SIPA1L1: variants seen among roughly 807,000 people sequenced by gnomAD.
SIPA1L1 encodes signal induced proliferation associated 1 like 1.
In SIPA1L1, 26 loss-of-function variants were observed where a neutral mutation model predicts 162.7. The ratio of observed to expected loss-of-function variants is 0.16; its 90% confidence interval spans 0.12 to 0.22. The LOEUF is 0.22. SIPA1L1 is among the 10% of genes least tolerant of loss of function. SIPA1L1 has a pLI of 1.00. For missense variants in SIPA1L1, 1,874 were observed against 2,241.0 expected (o/e 0.84, Z 3.31); for synonymous variants, 829 against 837.4 (o/e 0.99, Z 0.17).
intron 8 of SIPA1L1, among the ~76,000 whole-genome samples, chr14:71,657,479 G>T (rs1444758547): frequency 6.6e-6 from 1 of 152,112 alleles, no homozygotes; most frequent in East Asian, 1.9e-4. Context: ...GAGTTGGGAA[G>T]TTAATAACTT....
chr14:71,528,743 A>G (rs1395933163), intron 3 of SIPA1L1: 1 of 152,180 alleles, frequency 6.6e-6, no homozygotes, highest in Non-Finnish European at 1.5e-5. Flanking sequence ...ATAAAAAGGT[A>G]TTTTGTTTGT....
chr14:71,623,886 C>G (rs1342050557), intron 6 of SIPA1L1, among the ~76,000 whole-genome samples, 162 bp from the exon 7 acceptor site: 1 of 152,120 alleles, frequency 6.6e-6, no homozygotes, highest in African/African-American at 2.4e-5. Flanking sequence ...TTACAGTATC[C>G]TACATCACTT....
At chr14:71,632,876 A>C (rs2040723361) in intron 7 of SIPA1L1, among the ~76,000 whole-genome samples, 1 of 152,218 alleles carries the variant, frequency 6.6e-6, no homozygotes, top group South Asian at 2.1e-4. Flanking sequence ...GTAATAAAGA[A>C]GGCCTGCTAA....
At chr14:71,673,620 A>G (rs935104367) in intron 12 of SIPA1L1, among the ~76,000 whole-genome samples, 1 of 152,140 alleles carries the variant, frequency 6.6e-6, no homozygotes, top group Non-Finnish European at 1.5e-5. Flanking sequence ...TGTGTTTTAT[A>G]TACTTTGCTC....
At chr14:71,329,183 T>C (rs894909650) in intron 2 of SIPA1L1, among the ~76,000 whole-genome samples, 1 of 152,228 alleles carries the variant, frequency 6.6e-6, no homozygotes, top group Admixed American at 6.5e-5. Context: ...TGTGGATAGA[T>C]ATTTGGCAGT....
chr14:71,364,863 A>G (rs1339219354), intron 2 of SIPA1L1, among the ~76,000 whole-genome samples: 2 of 151,710 alleles, frequency 1.3e-5, no homozygotes, highest in African/African-American at 4.9e-5. Flanking sequence ...CTCATGCCTC[A>G]GCCTCCCCAG....
chr14:71,397,794 T>C (rs1013672043), intron 2 of SIPA1L1, among the ~76,000 whole-genome samples: 2 of 152,178 alleles, frequency 1.3e-5, no homozygotes, highest in African/African-American at 4.8e-5. Context: ...ATTCAGACTT[T>C]CTTTTGTTCA....
At chr14:71,325,497 CA>C (rs1391003592) in intron 2 of SIPA1L1, among the ~76,000 whole-genome samples, 4 of 152,078 alleles carry the variant, frequency 2.6e-5, no homozygotes, top group Non-Finnish European at 5.9e-5. Flanking sequence ...CATGAGGGTA[CA>C]AAAAACCATC....
intron 5 of SIPA1L1, among the ~76,000 whole-genome samples, chr14:71,609,170 TA>T (rs1365876295): frequency 1.3e-5 from 2 of 152,148 alleles, no homozygotes; most frequent in East Asian, 3.9e-4. Flanking sequence ...TTATAATAAA[TA>T]ATGCTTACAT....
intron 2 of SIPA1L1, among the ~76,000 whole-genome samples, chr14:71,392,216 A>G (rs1327115418): frequency 6.6e-6 from 1 of 152,180 alleles, no homozygotes; most frequent in Non-Finnish European, 1.5e-5. Flanking sequence ...GGAGTTCCCC[A>G]TAATCTGTAG....
chr14:71,624,007 A>G (rs745576768), intron 6 of SIPA1L1, 41 bp from the exon 7 acceptor site: 10 of 1,527,700 alleles, frequency 6.5e-6, no homozygotes, highest in Non-Finnish European at 8.9e-6. Context: ...CAGGCATCTC[A>G]CATCCCAGAA....
intron 19 of SIPA1L1, among the ~76,000 whole-genome samples, chr14:71,728,070 C>T (rs969097173): frequency 6.6e-6 from 1 of 152,162 alleles, no homozygotes; most frequent in South Asian, 2.1e-4. Flanking sequence ...ACCTGTAAAA[C>T]CATCAGGCTG....
intron 2 of SIPA1L1, among the ~76,000 whole-genome samples, chr14:71,482,998 C>A (rs1007685905): frequency 6.6e-6 from 1 of 152,140 alleles, no homozygotes; most frequent in Admixed American, 6.5e-5. Context: ...TTTTTACGAA[C>A]AATTTCAGCT....
At chr14:71,469,213 A>G (rs761620186) in intron 2 of SIPA1L1, among the ~76,000 whole-genome samples, 1 of 151,476 alleles carries the variant, frequency 6.6e-6, no homozygotes, top group Non-Finnish European at 1.5e-5. Flanking sequence ...TCTCACCTCC[A>G]AGATAACTTC....
chr14:71,517,982 T>G (rs2051912350), intron 3 of SIPA1L1, among the ~76,000 whole-genome samples: 1 of 152,154 alleles, frequency 6.6e-6, no homozygotes, highest in Non-Finnish European at 1.5e-5. Context: ...TAACATAGAA[T>G]GAGGCGAGCT....
At chr14:71,579,998 C>T (rs1425963993) in intron 4 of SIPA1L1, among the ~76,000 whole-genome samples, 1 of 152,146 alleles carries the variant, frequency 6.6e-6, no homozygotes, top group Non-Finnish European at 1.5e-5. Flanking sequence ...CAGTGACTGT[C>T]TCAAATCGCC....
intron 4 of SIPA1L1, among the ~76,000 whole-genome samples, chr14:71,564,119 A>G (rs566942797): frequency 2.8e-4 from 43 of 151,932 alleles, no homozygotes; most frequent in Non-Finnish European, 5.6e-4. Flanking sequence ...GCCAATTTTT[A>G]AATTTGTTTT....
intron 2 of SIPA1L1, among the ~76,000 whole-genome samples, chr14:71,485,051 A>G (rs984488260): frequency 6.6e-6 from 1 of 152,338 alleles, no homozygotes; most frequent in African/African-American, 2.4e-5. Flanking sequence ...TTCGTTGCCC[A>G]TGATCCTTTA....
chr14:71,390,739 C>T (rs2040677823), intron 2 of SIPA1L1, among the ~76,000 whole-genome samples: 1 of 152,056 alleles, frequency 6.6e-6, no homozygotes, highest in Non-Finnish European at 1.5e-5. Context: ...GAGCTAAGAT[C>T]GCACCACTAC....
Sources: gnomAD v4.1 joint callset for allele counts (sites outside exome capture counted in the v4.1 genomes callset) on GRCh38, gnomAD v4.1.1 for gene constraint, MANE v1.5 for transcripts, NCBI Gene and HGNC (gene_info 2026-07-23, HGNC 2026-07-21) for gene names.